The following MYADM variants were observed in gnomAD, a reference collection of about 807,000 sequenced individuals.
MYADM encodes the protein myeloid associated differentiation marker, also known as myeloid-associated differentiation marker.
For synonymous variants in MYADM, 224 were observed against 210.2 expected (o/e 1.07, Z -0.57); for missense variants, 416 against 443.4 (o/e 0.94, Z 0.56).
upstream of MYADM, among the ~76,000 whole-genome samples, chr19:53,867,601 C>T (rs1018278426): frequency 2.0e-5 from 3 of 152,178 alleles, no homozygotes; most frequent in Non-Finnish European, 4.4e-5. Context: ...GGGCAGCCCC[C>T]AGGAGTCTCC....
chr19:53,874,378 T>G lies in MYADM; in HGVS notation c.849T>G (p.His283Gln). The change falls in exon 3 of 3, where the codon CAT becomes CAG. Residue 283 changes from histidine to glutamine, a missense_variant. His to Gln is a conservative substitution (Grantham distance 24, BLOSUM62 0). Coordinates refer to ENST00000391770, the MANE Select transcript of MYADM (RefSeq NM_138373.5). ...GAGATGTAAGCTGCAGCCGCAGCCATGCCTACTACGTGTGTGCCTGGGACC... is the reference window on the plus strand; with the variant it reads ...GAGATGTAAGCTGCAGCCGCAGCCAGGCCTACTACGTGTGTGCCTGGGACC... ...RSRDVSCSRS[H>Q]AYYVCAWDRR... The G allele has an allele frequency of 6.2e-7, 1 of 1,614,194 alleles. No homozygotes were observed. Among genetic ancestry groups the G allele is most frequent in the Non-Finnish European group, 8.5e-7 (1 of 1,180,016 alleles).
Position 53,868,552 on chromosome 19 carries a change from T to A in MYADM, c.-88+609T>A, listed in dbSNP as rs912200075. ...AGGGGGGTGTTAAGATCCAGCCCCG[T>A]GCTTCCGAAGTGCAGAAGGAGCTGG... On this transcript the variant is annotated intron_variant, in intron 1 of 2. Coordinates refer to ENST00000391770, the MANE Select transcript of MYADM (RefSeq NM_138373.5). The surrounding 1 kb of genome is among the most constrained non-coding windows in gnomAD (Gnocchi z 6.3). Among the ~76,000 whole-genome samples, 1 of 152,044 alleles carries A rather than the reference T, an allele frequency of 6.6e-6. No individual in the cohort carries two copies. Among genetic ancestry groups the A allele is most frequent in the Non-Finnish European group, 1.5e-5 (1 of 67,978 alleles).
At chr19:53,871,487 G>A (rs1313197179) in intron 2 of MYADM, among the ~76,000 whole-genome samples, 1 of 152,150 alleles carries the variant, frequency 6.6e-6, no homozygotes, top group Non-Finnish European at 1.5e-5. Context: ...GACTGAGAGT[G>A]AAGGTTGCTA....
rs768720193 is a variant in MYADM, at chr19:53,873,641, C to G, written c.112C>G (p.Leu38Val). Residue 38 changes from leucine to valine, a missense_variant, in exon 3 of 3, where the codon CTC becomes GTC. Coordinates refer to ENST00000391770, the MANE Select transcript of MYADM (RefSeq NM_138373.5). The surrounding 1 kb of genome is among the most constrained non-coding windows in gnomAD (Gnocchi z 4.3). ...SPRALTQPLG[L>V]LRLLQLVSTC... is the part of the protein sequence containing the mutation. ...TCGGGCCCTGACACAGCCCCTGGGT[C>G]TCCTTCGCCTGCTGCAGCTGGTGTC... is the stretch of plus-strand genomic sequence containing the variant. 6.2e-7 allele frequency: 1 copy of G among 1,614,210 alleles called. No homozygotes were observed. The highest frequency in any genetic ancestry group is 1.3e-5 in the African/African-American group (1 of 75,072).
chr19:53,866,375 G>C (rs938093939), upstream of MYADM: 2 of 151,896 alleles, frequency 1.3e-5, no homozygotes, highest in Admixed American at 6.6e-5. This position sits in a 1 kb window ranked among gnomAD's most constrained non-coding sequence, Gnocchi z 4.3. Context: ...CCGCCCAGCG[G>C]CCGCAGCCAG....
At chr19:53,870,496 A>T (rs1247977524) in intron 2 of MYADM, among the ~76,000 whole-genome samples, 1 of 151,748 alleles carries the variant, frequency 6.6e-6, no homozygotes, top group Non-Finnish European at 1.5e-5. Context: ...CTGGGCTCCT[A>T]GATCCTGGGA....
upstream of MYADM, chr19:53,865,639 G>A (rs11882947): frequency 0.078 from 11,793 of 152,056 alleles, 687 homozygotes; most frequent in African/African-American, 0.15. Flanking sequence ...CTCTTCAAAT[G>A]TTTGCTTCCT....
intron 2 of MYADM, among the ~76,000 whole-genome samples, chr19:53,870,727 G>A (rs1043530760): frequency 1.4e-3 from 216 of 152,282 alleles, no homozygotes; most frequent in Non-Finnish European, 2.5e-3. Context: ...TTAGTCCTGT[G>A]GCTGCGTTGA....
chr19:53,873,587 C>CTGGGGTCCCCCATGATCG lies in MYADM; in HGVS notation c.69_86dup (p.Met24_Pro29dup), dbSNP rs763979639. 2 of 1,613,238 alleles carry CTGGGGTCCCCCATGATCG rather than the reference C, an allele frequency of 1.2e-6. No homozygotes were observed. The highest frequency in any genetic ancestry group is 1.3e-5 in the African/African-American group (1 of 74,876). ...AACCACCACGACGTCATCTTCGGGC[C>CTGGGGTCCCCCATGATCG]TGGGGTCCCCCATGATCGTGGGGTC... On this transcript the variant is annotated inframe_insertion, in exon 3 of 3. Transcript: ENST00000391770. This position sits in a 1 kb window ranked among gnomAD's most constrained non-coding sequence, Gnocchi z 4.3.
chr19:53,873,883 C>A lies in MYADM; in HGVS notation c.354C>A (p.Ile118=). ...CCCTCTTCTGCCTCTCGGCCTCCAT[C>A]ATCTACCCCACCACCTATGTCCAGT... ...YAALFCLSAS[I]IYPTTYVQFL... Residue 118 remains isoleucine, a synonymous_variant, in exon 3 of 3, where the codon ATC becomes ATA. Coordinates refer to ENST00000391770, the MANE Select transcript of MYADM (RefSeq NM_138373.5). The surrounding 1 kb of genome is among the most constrained non-coding windows in gnomAD (Gnocchi z 4.3). The A allele has an allele frequency of 1.2e-6, 2 of 1,613,252 alleles. No individual in the cohort carries two copies. Among genetic ancestry groups the A allele is most frequent in the Non-Finnish European group, 1.7e-6 (2 of 1,180,042 alleles).
intron 2 of MYADM, among the ~76,000 whole-genome samples, chr19:53,870,957 G>A (rs1026125575): frequency 9.2e-5 from 14 of 152,178 alleles, no homozygotes; most frequent in Non-Finnish European, 1.3e-4. Context: ...ATGGCCAGGC[G>A]CAGTGGCTCA....
rs898591965 is a variant in MYADM at position 53,867,935 on chromosome 19, C to CT, written c.-95dup. ...TTGCTTCAGCCGCAGTCGCCACTGG[C>CT]TGCCTGAGGTGAGGTTGTGGGGACC... On this transcript the variant is annotated 5_prime_UTR_variant, in exon 1 of 3. Coordinates refer to ENST00000391770, the MANE Select transcript of MYADM (RefSeq NM_138373.5). 1 of 152,388 alleles carries CT rather than the reference C, an allele frequency of 6.6e-6. No homozygotes were observed. Among genetic ancestry groups the CT allele is most frequent in the Non-Finnish European group, 1.5e-5 (1 of 68,198 alleles). The allele number at this position is 152,388 out of a possible 1,614,324, so 9.4% of individuals were successfully genotyped here. A position where few individuals can be genotyped will look rare whatever the true frequency, so the allele number is the denominator to read the frequency against.
Position 53,868,191 on chromosome 19 carries a change from G to C in MYADM, c.-88+248G>C, listed in dbSNP as rs1428806749. On this transcript the variant is annotated intron_variant, in intron 1 of 2. Transcript: ENST00000391770. The surrounding 1 kb of genome is among the most constrained non-coding windows in gnomAD (Gnocchi z 6.3). ...AGGGGCTGGGGGTCTGGACTCCCGG[G>C]TCCGAGGCAGGAGGGGCTGGGGGGT... Among the ~76,000 whole-genome samples, 1 of 150,912 alleles carries C rather than the reference G, an allele frequency of 6.6e-6. No individual in the cohort carries two copies. Among genetic ancestry groups the C allele is most frequent in the Non-Finnish European group, 1.5e-5 (1 of 67,676 alleles).
Position 53,870,016 on chromosome 19 carries a change from G to A in MYADM, c.-3+178G>A, listed in dbSNP as rs1250676121. On this transcript the variant is annotated intron_variant, in intron 2 of 2. Transcript: ENST00000391770. ...GAGGGAGGAGGGGCTGGGGGCCTGG[G>A]CTCCTGGGTCCGAGGGAGGAGGGGC... is the stretch of plus-strand genomic sequence containing the variant. Among the ~76,000 whole-genome samples, 33 of 99,128 alleles carry A rather than the reference G, an allele frequency of 3.3e-4. 1 individual carries two copies. Among genetic ancestry groups the A allele is most frequent in the African/African-American group, 3.8e-4 (8 of 20,928 alleles). The allele number at this position is 99,128 out of a possible 152,430, so 65.0% of individuals were successfully genotyped here.
chr19:53,873,573 C>T lies in MYADM; in HGVS notation c.44C>T (p.Thr15Met), dbSNP rs143497181. 308 of 1,611,700 alleles carry T rather than the reference C, an allele frequency of 1.9e-4. 1 individual carries two copies. Among genetic ancestry groups the T allele is most frequent in the Non-Finnish European group, 2.5e-4 (291 of 1,178,614 alleles). The change falls in exon 3 of 3, where the codon ACG (threonine) becomes ATG (methionine). Residue 15 changes from threonine (T) to methionine (M), a missense_variant. By Grantham distance (81) the Thr-to-Met change is moderately conservative. Transcript: ENST00000391770. This position sits in a 1 kb window ranked among gnomAD's most constrained non-coding sequence, Gnocchi z 4.3. ...VTRTTITTTT[T>M]SSSGLGSPMI... ...CGCACCACCATCACAACCACCACGA[C>T]GTCATCTTCGGGCCTGGGGTCCCCC...
At position 53,874,675 on chromosome 19, in the gene MYADM, A is replaced by G. The variant is rs1395214507; in HGVS notation, c.*177A>G. Reference sequence around the variant, plus strand: ...TGCACTCTAACCAGTTCTTGGATGCATCTTCTTCCTTCCCTTTCCTCTTGC... The same window carrying G: ...TGCACTCTAACCAGTTCTTGGATGCGTCTTCTTCCTTCCCTTTCCTCTTGC... On this transcript the variant is annotated 3_prime_UTR_variant, in exon 3 of 3. Transcript: ENST00000391770. The G allele has an allele frequency of 6.9e-6, 4 of 577,058 alleles. No individual in the cohort carries two copies. The highest frequency in any genetic ancestry group is 4.0e-5 in the African/African-American group (2 of 50,270). The allele number at this position is 577,058 out of a possible 1,614,324, so 35.7% of individuals were successfully genotyped here. A position where few individuals can be genotyped will look rare whatever the true frequency, so the allele number is the denominator to read the frequency against.
At chr19:53,867,345 G>T (rs58575859), upstream of MYADM, among the ~76,000 whole-genome samples, 4,566 of 152,158 alleles carry the variant, frequency 0.03, 227 homozygotes, top group African/African-American at 0.1. Flanking sequence ...ATTGAACTGA[G>T]GGGCCTGGTC....
chr19:53,867,719 T>G (rs2068266496), upstream of MYADM, among the ~76,000 whole-genome samples: 1 of 152,034 alleles, frequency 6.6e-6, no homozygotes, highest in East Asian at 1.9e-4. Flanking sequence ...ACTTTTACTC[T>G]GGGGGGCGTG....
chr19:53,872,320 C>T (rs1319997327), intron 2 of MYADM, among the ~76,000 whole-genome samples: 2 of 151,886 alleles, frequency 1.3e-5, no homozygotes, highest in African/African-American at 2.4e-5. Context: ...CTCAGTCTCC[C>T]GAGTAGCTGG....
Sources: allele counts gnomAD v4.1 joint callset (sites outside exome capture counted in the v4.1 genomes callset), GRCh38; gene constraint gnomAD v4.1.1; non-coding constraint Gnocchi (gnomAD v3.1); transcripts MANE v1.5; gene names NCBI Gene and HGNC (gene_info 2026-07-23, HGNC 2026-07-21).